The following ARHGEF10 variants were observed in gnomAD, a reference collection of about 807,000 sequenced individuals.
ARHGEF10 encodes the protein Rho guanine nucleotide exchange factor (GEF) 10.
Under a neutral mutation model 147.4 loss-of-function variants are expected in ARHGEF10, and 140 were observed. The ratio of observed to expected loss-of-function variants is 0.95; its 90% CI spans 0.83 to 1.09. The LOEUF is 1.09. Ranked by LOEUF, ARHGEF10 falls within the 50% of genes least tolerant of loss-of-function variation. The pLI, the probability that ARHGEF10 is intolerant of heterozygous loss-of-function variation, is 0.00. For missense variants in ARHGEF10, 2,222 were observed against 1,752.7 expected (o/e 1.27, Z -4.78); for synonymous variants, 902 against 695.8 (o/e 1.30, Z -4.67).
chr8:1,861,687 G>C (rs953354085), intron 4 of ARHGEF10, among the ~76,000 whole-genome samples: 2 of 152,092 alleles, frequency 1.3e-5, no homozygotes, highest in Non-Finnish European at 2.9e-5. Context: ...AAACACAGAG[G>C]TTTCAGAATA....
chr8:1,914,179 C>A (rs11992356), intron 18 of ARHGEF10, among the ~76,000 whole-genome samples: 12,139 of 152,300 alleles, frequency 0.08, 615 homozygotes, highest in African/African-American at 0.15. Context: ...TGAATATACA[C>A]CTGACTGATC....
At chr8:1,931,919 G>A (rs1813181129) in intron 25 of ARHGEF10, among the ~76,000 whole-genome samples, 2 of 152,206 alleles carry the variant, frequency 1.3e-5, no homozygotes, top group Non-Finnish European at 2.9e-5. Flanking sequence ...AAGTTCAGTT[G>A]TTGGAAGTTA....
Position 1,957,364 on chromosome 8 carries a change from A to T in ARHGEF10, c.*101A>T. The T allele has an allele frequency of 6.7e-7, 1 of 1,496,140 alleles. No homozygotes were observed. The highest frequency in any genetic ancestry group is 9.0e-7 in the Non-Finnish European group (1 of 1,113,220). 92.7% of individuals were successfully genotyped at this position (1,496,140 alleles called of 1,614,324 possible). On this transcript the variant is annotated 3_prime_UTR_variant, in exon 29 of 29. Transcript: ENST00000349830. ...TAAGCTGTGTCTACACTGGTTGGGA[A>T]TAAATTAAAAACAGTATTTGGGGGA...
At chr8:1,885,135 A>T (rs563475004) in intron 10 of ARHGEF10, among the ~76,000 whole-genome samples, 27 of 152,290 alleles carry the variant, frequency 1.8e-4, no homozygotes, top group African/African-American at 6.0e-4. Context: ...CCAGTGAGAG[A>T]GACAGAAGAA....
intron 26 of ARHGEF10, among the ~76,000 whole-genome samples, chr8:1,940,021 G>C (rs1297776683): frequency 6.6e-6 from 1 of 152,180 alleles, no homozygotes; most frequent in African/African-American, 2.4e-5. Context: ...GCAACGTAAC[G>C]GGGTGCGAGA....
chr8:1,928,758 C>A, intron 24 of ARHGEF10, 108 bp downstream of exon 24: 1 of 1,297,432 alleles, frequency 7.7e-7, no homozygotes, highest in Admixed American at 2.0e-5. Context: ...AGGAGTAGCC[C>A]GTGCAGGAAT....
chr8:1,832,320 G>GCAGAGA (rs1803165990), intron 1 of ARHGEF10, among the ~76,000 whole-genome samples: 1 of 151,784 alleles, frequency 6.6e-6, no homozygotes, highest in Non-Finnish European at 1.5e-5. Context: ...ACAGGCAGAG[G>GCAGAGA]CAGAGACAGA....
intron 18 of ARHGEF10, among the ~76,000 whole-genome samples, chr8:1,912,718 C>G (rs959260287): frequency 2.0e-5 from 3 of 152,202 alleles, no homozygotes; most frequent in African/African-American, 7.2e-5. Context: ...AGCTCCCAAA[C>G]TCCCTGATGC....
At chr8:1,920,031 T>TATGGGTGATGGGGCTGTTCC (rs1554506688) in intron 18 of ARHGEF10, among the ~76,000 whole-genome samples, 16,511 of 103,574 alleles carry the variant, frequency 0.16, 43 homozygotes, top group East Asian at 0.32. Context: ...GGAGCTGTTC[T>TATGGGTGATGGGGCTGTTCC]ATGGGTGATG....
chr8:1,863,433 G>C (rs572908206), intron 4 of ARHGEF10, among the ~76,000 whole-genome samples: 1 of 152,334 alleles, frequency 6.6e-6, no homozygotes, highest in South Asian at 2.1e-4. Context: ...AAACGGTTGA[G>C]AACTGTTGCT....
chr8:1,888,134 C>CGAGGAGACACTTAGTGGGGTGAATGTTTT (rs1808883701), intron 11 of ARHGEF10, among the ~76,000 whole-genome samples: 1 of 68,564 alleles, frequency 1.5e-5, no homozygotes, highest in Non-Finnish European at 2.8e-5. Context: ...TGAGGGTTTG[C>CGAGGAGACACTTAGTGGGGTGAATGTTTT]GAGGAGACAC....
intron 8 of ARHGEF10, 37 bp from the exon 9 acceptor site, chr8:1,880,011 C>A: frequency 7.0e-7 from 1 of 1,429,312 alleles, no homozygotes; most frequent in Middle Eastern, 1.7e-4. Context: ...CCAAAAAGAG[C>A]CTTTTTGTGA....
intron 11 of ARHGEF10, among the ~76,000 whole-genome samples, chr8:1,888,518 G>GTT: frequency 2.8e-5 from 4 of 140,602 alleles, no homozygotes; most frequent in African/African-American, 1.2e-4. Context: ...TACTGAGTGG[G>GTT]GTGAGGGGTC....
chr8:1,828,120 A>G (rs1031255763), intron 1 of ARHGEF10, among the ~76,000 whole-genome samples: 1 of 152,240 alleles, frequency 6.6e-6, no homozygotes, highest in African/African-American at 2.4e-5. Context: ...ACTGATAGCT[A>G]CAGACAGCCG....
chr8:1,899,936 C>T (rs543701002), intron 15 of ARHGEF10, among the ~76,000 whole-genome samples: 14 of 152,146 alleles, frequency 9.2e-5, no homozygotes, highest in African/African-American at 2.4e-4. Context: ...GTGAACCATA[C>T]GGGCGGGTGA....
rs139188275 is a variant in ARHGEF10 at position 1,876,804 on chromosome 8, T to C, written c.843+70T>C. The C allele has an allele frequency of 8.0e-4, 1,232 of 1,535,876 alleles. 11 individuals carry two copies. The African/African-American group carries it at 0.014, about 18-fold the overall frequency. The stretch of plus-strand genomic sequence containing the variant: ...CACGGACAGGGGGCTGTGAATATGA[T>C]TGTGATCCACCTAGTACTTCATAGT... On this transcript the variant is annotated intron_variant, in intron 8 of 28. Coordinates refer to ENST00000349830, the MANE Select transcript of ARHGEF10 (RefSeq NM_014629.4).
intron 28 of ARHGEF10, among the ~76,000 whole-genome samples, chr8:1,953,730 C>T (rs555965368): frequency 2.0e-5 from 3 of 152,294 alleles, no homozygotes; most frequent in South Asian, 4.2e-4. Flanking sequence ...AGAACACAGC[C>T]AGCAGAAGTG....
At chr8:1,900,400 G>A (rs964495925) in intron 15 of ARHGEF10, among the ~76,000 whole-genome samples, 2 of 152,120 alleles carry the variant, frequency 1.3e-5, no homozygotes, top group African/African-American at 4.8e-5. Flanking sequence ...TACGCTCTAG[G>A]AAACTGAGGT....
At chr8:1,843,857 C>T (rs375409818) in intron 2 of ARHGEF10, among the ~76,000 whole-genome samples, 4 of 152,202 alleles carry the variant, frequency 2.6e-5, no homozygotes, top group Non-Finnish European at 4.4e-5. Flanking sequence ...CTCCTCTGAG[C>T]GGCCGCTCAG....
Sources: gnomAD v4.1 joint callset for allele counts (sites outside exome capture counted in the v4.1 genomes callset) on GRCh38, gnomAD v4.1.1 for gene constraint, MANE v1.5 for transcripts, NCBI Gene and HGNC (gene_info 2026-07-23, HGNC 2026-07-21) for gene names.